FSTL4: variants seen among roughly 807,000 people sequenced by gnomAD.
The protein encoded by FSTL4 is follistatin-related protein 4.
In FSTL4, 28 loss-of-function variants were observed where a neutral mutation model predicts 78.2. The observed-to-expected ratio is 0.36, with a 90% CI of 0.27 to 0.49. The LOEUF (loss-of-function observed/expected upper bound fraction) is 0.49, where lower values mean the gene tolerates loss of function less well. Ranked by LOEUF, FSTL4 falls within the 20% of genes least tolerant of loss-of-function variation. The pLI is 0.98. For synonymous variants in FSTL4, 422 were observed against 440.5 expected (o/e 0.96, Z 0.53); for missense variants, 922 against 1,084.9 (o/e 0.85, Z 2.11).
the FSTL4 span, among the ~76,000 whole-genome samples, chr5:133,647,950 T>C: frequency 6.6e-6 from 1 of 152,174 alleles, no homozygotes; most frequent in African/African-American, 2.4e-5. Context: ...GCTGTTCTCA[T>C]GATAGTCAAT....
chr5:133,754,756 C>G, the FSTL4 span, among the ~76,000 whole-genome samples: 1 of 152,124 alleles, frequency 6.6e-6, no homozygotes, highest in African/African-American at 2.4e-5. Context: ...AGGGCAGTAT[C>G]CTGAGCCCAG....
At chr5:133,663,016 C>T in the FSTL4 span, among the ~76,000 whole-genome samples, 1 of 152,096 alleles carries the variant, frequency 6.6e-6, no homozygotes, top group Non-Finnish European at 1.5e-5. Context: ...ACAATTCCAA[C>T]ACTCTAGCAT....
At chr5:133,671,307 G>A in the FSTL4 span, among the ~76,000 whole-genome samples, 1 of 151,852 alleles carries the variant, frequency 6.6e-6, no homozygotes, top group African/African-American at 2.4e-5. Context: ...TTGTCATTTA[G>A]GCCGCTCAAG....
intron 3 of FSTL4, among the ~76,000 whole-genome samples, chr5:133,450,842 C>G (rs77135862): frequency 0.014 from 2,205 of 152,270 alleles, 44 homozygotes; most frequent in African/African-American, 0.049. Flanking sequence ...GAGGGGAGAT[C>G]AGGGCTGCAG....
intron 6 of FSTL4, among the ~76,000 whole-genome samples, chr5:133,275,446 G>T (rs4327643): frequency 0.42 from 63,133 of 151,484 alleles, 15,225 homozygotes; most frequent in African/African-American, 0.65. Context: ...TGTAGTCCCA[G>T]CTACTTGGGA....
At chr5:133,730,606 A>G in the FSTL4 span, among the ~76,000 whole-genome samples, 2 of 152,254 alleles carry the variant, frequency 1.3e-5, no homozygotes, top group African/African-American at 4.8e-5. Flanking sequence ...CATCAAGTCC[A>G]GCAAAGCTGC....
chr5:133,464,095 G>T (rs905913231), intron 3 of FSTL4, among the ~76,000 whole-genome samples: 3 of 152,206 alleles, frequency 2.0e-5, no homozygotes, highest in African/African-American at 7.2e-5. Flanking sequence ...ACCGTCTCAC[G>T]TCTCAAGGTG....
At chr5:133,794,400 C>A in the FSTL4 span, among the ~76,000 whole-genome samples, 1 of 152,212 alleles carries the variant, frequency 6.6e-6, no homozygotes, top group Admixed American at 6.5e-5. Context: ...TGTGGCTGAC[C>A]AAGGCCATGC....
chr5:133,761,112 G>A, the FSTL4 span, among the ~76,000 whole-genome samples: 2 of 152,212 alleles, frequency 1.3e-5, no homozygotes, highest in African/African-American at 2.4e-5. Context: ...ATATGAGCTT[G>A]TGAAGTTTCT....
At chr5:133,224,412 A>T in intron 10 of FSTL4, 196 bp from the exon 11 acceptor site, 1 of 481,366 alleles carries the variant, frequency 2.1e-6, no homozygotes. Flanking sequence ...AAATGCTTTC[A>T]GGTCTCCAGA....
intron 6 of FSTL4, among the ~76,000 whole-genome samples, chr5:133,256,896 T>C (rs932917238): frequency 3.9e-5 from 6 of 152,206 alleles, no homozygotes; most frequent in African/African-American, 1.4e-4. Flanking sequence ...GGTCAGTGGG[T>C]AATTTACTTT....
the FSTL4 span, among the ~76,000 whole-genome samples, chr5:133,795,702 A>T: frequency 6.6e-6 from 1 of 152,344 alleles, no homozygotes; most frequent in East Asian, 1.9e-4. Flanking sequence ...AGGCCTTCTG[A>T]AATGGAGTGA....
chr5:133,612,715 T>C (rs1013942689), upstream of FSTL4, among the ~76,000 whole-genome samples: 14 of 151,878 alleles, frequency 9.2e-5, no homozygotes, highest in African/African-American at 3.4e-4. The surrounding 1 kb of genome is among the most constrained non-coding windows in gnomAD (Gnocchi z 6.2). Flanking sequence ...GCTGGGGCCA[T>C]CTAGGGCCCG....
chr5:133,414,845 T>C (rs761146122), intron 3 of FSTL4, among the ~76,000 whole-genome samples: 6 of 152,200 alleles, frequency 3.9e-5, no homozygotes, highest in Non-Finnish European at 7.3e-5. Context: ...AGACAGCCTA[T>C]TTTCATTTTC....
chr5:133,340,049 G>A (rs1227333929), intron 4 of FSTL4, among the ~76,000 whole-genome samples: 2 of 152,212 alleles, frequency 1.3e-5, no homozygotes, highest in African/African-American at 4.8e-5. Context: ...GGCGTGGGGT[G>A]CTGTTTCCCC....
At chr5:133,208,246 C>A (rs1219406449) in intron 14 of FSTL4, 1 of 152,210 alleles carries the variant, frequency 6.6e-6, no homozygotes, top group East Asian at 1.9e-4. Flanking sequence ...ACCCGTATAT[C>A]TTTCTTTTGT....
At chr5:133,239,535 G>C (rs960382941) in intron 7 of FSTL4, among the ~76,000 whole-genome samples, 4 of 152,160 alleles carry the variant, frequency 2.6e-5, no homozygotes, top group African/African-American at 7.2e-5. Context: ...TCAGCACCCT[G>C]TGTCTAGCTC....
intron 3 of FSTL4, among the ~76,000 whole-genome samples, chr5:133,542,447 T>G (rs2161202): frequency 6.6e-6 from 1 of 151,912 alleles, no homozygotes; most frequent in African/African-American, 2.4e-5. Context: ...TCTTACCAGG[T>G]TTTGGTGTCA....
At chr5:133,672,709 G>T in the FSTL4 span, among the ~76,000 whole-genome samples, 24 of 152,212 alleles carry the variant, frequency 1.6e-4, no homozygotes, top group Admixed American at 1.2e-3. Flanking sequence ...GGTTGTTCCT[G>T]CCACAGCTCT....
Sources: gnomAD v4.1 joint callset for allele counts (sites outside exome capture counted in the v4.1 genomes callset) on GRCh38, gnomAD v4.1.1 for gene constraint, Gnocchi (gnomAD v3.1) non-coding constraint, MANE v1.5 for transcripts, NCBI Gene and HGNC (gene_info 2026-07-23, HGNC 2026-07-21) for gene names.